CCDC187: variants seen among roughly 807,000 people sequenced by gnomAD.
CCDC187 encodes the protein coiled-coil domain containing 187.
In CCDC187, 32 loss-of-function variants were observed where a neutral mutation model predicts 38.0. The ratio of observed to expected loss-of-function variants is 0.84; its 90% confidence interval spans 0.64 to 1.13. CCDC187 has a LOEUF of 1.13. Ranked by LOEUF, CCDC187 falls within the 50% of genes most tolerant of loss-of-function variation. The pLI is 0.00. For missense variants in CCDC187, 707 were observed against 786.8 expected (o/e 0.90, Z 1.21); for synonymous variants, 333 against 347.9 (o/e 0.96, Z 0.48).
intron 18 of CCDC187, among the ~76,000 whole-genome samples, chr9:136,263,297 T>TGCC (rs1554761225): frequency 6.8e-6 from 1 of 146,486 alleles, no homozygotes; most frequent in African/African-American, 2.5e-5. Flanking sequence ...TGCAGTGGCA[T>TGCC]ATCTCGGCTC....
Position 136,281,564 on chromosome 9 carries a change from G to A in CCDC187, c.3027C>T (p.Thr1009=). ...VGGADSVAPC[T]PRSCGQQEDP... ...GGTCGCCCTTACCGCAGCTCCGGGG[G>A]GTGCAGGGCGCCACAGAATCTGCCC... The change falls in exon 10 of 26, where the codon ACC becomes ACT. Residue 1009 remains threonine, a synonymous_variant. Transcript: ENST00000638797. The A allele has an allele frequency of 2.5e-6, 1 of 398,550 alleles. No individual in the cohort carries two copies. The highest frequency in any genetic ancestry group is 1.3e-4 in the South Asian group (1 of 7,862). The allele number at this position is 398,550 out of a possible 1,614,324, so 24.7% of individuals were successfully genotyped here.
At position 136,250,219 on chromosome 9, in the gene CCDC187, C is replaced by T. The variant is rs1158395170; in HGVS notation, c.*3375G>A. On this transcript the variant is annotated 3_prime_UTR_variant, in exon 26 of 26. Transcript: ENST00000638797. ...TGACGGCTCCGGCCCCCTCCAGGGC[C>T]GCTGTCCTTGGAAGCCCTGGCCCGG... 2 of 164,906 alleles carry T rather than the reference C, an allele frequency of 1.2e-5. No homozygotes were observed. Among genetic ancestry groups the T allele is most frequent in the South Asian group, 1.5e-4 (1 of 6,700 alleles). The allele number at this position is 164,906 out of a possible 1,614,324, so 10.2% of individuals were successfully genotyped here. A position where few individuals can be genotyped will look rare whatever the true frequency, so the allele number is the denominator to read the frequency against.
intron 9 of CCDC187, among the ~76,000 whole-genome samples, chr9:136,284,299 G>A (rs1411661999): frequency 6.6e-6 from 1 of 152,168 alleles, no homozygotes; most frequent in Non-Finnish European, 1.5e-5. Context: ...ACAGCTTGGT[G>A]GAGGTGGGTG....
In CCDC187 at chr9:136,265,956, C is replaced by A; in HGVS notation, c.3735G>T (p.Gln1245His). ...CCCACCAGGCCTGTGCTGGCCCCAC[C>A]TGCTCCTTCTCCAATCTGCTGAGGG... ...QQALSRLEKEQREIQYLRHTQ... is the reference protein window; with the variant it reads ...QQALSRLEKEHREIQYLRHTQ... The change falls in exon 17 of 26, where the codon CAG (glutamine) becomes CAT (histidine). Residue 1245 changes from glutamine to histidine, a missense_variant and splice_region_variant. By Grantham distance (24) the Gln-to-His change is conservative (BLOSUM62 0). Coordinates refer to ENST00000638797, the MANE Select transcript of CCDC187 (RefSeq NM_001378188.1). 1 of 985,560 alleles carries A rather than the reference C, an allele frequency of 1.0e-6. No individual in the cohort carries two copies. The highest frequency in any genetic ancestry group is 4.7e-5 in the South Asian group (1 of 21,288). 61.1% of individuals were successfully genotyped at this position (985,560 alleles called of 1,614,324 possible). A position where few individuals can be genotyped will look rare whatever the true frequency, so the allele number is the denominator to read the frequency against.
intron 16 of CCDC187, chr9:136,266,681 T>C (rs1339199459): frequency 2.6e-5 from 4 of 152,256 alleles, no homozygotes; most frequent in African/African-American, 9.6e-5. Flanking sequence ...AGCGGTTATG[T>C]AGCTACACAG....
intron 10 of CCDC187, among the ~76,000 whole-genome samples, chr9:136,279,319 C>T (rs1042747761): frequency 1.7e-4 from 26 of 152,218 alleles, no homozygotes; most frequent in Non-Finnish European, 3.1e-4. Flanking sequence ...CATTGGACAG[C>T]TCTGGTGGAA....
chr9:136,297,879 C>T (rs964990530), intron 3 of CCDC187, 58 bp from the exon 4 acceptor site: 4 of 395,766 alleles, frequency 1.0e-5, no homozygotes, highest in African/African-American at 4.1e-5. Context: ...AAGTGACACA[C>T]GGGCCCCCCA....
At position 136,286,305 on chromosome 9, in the gene CCDC187, G is replaced by A. The variant is rs1014779347; in HGVS notation, c.2613C>T (p.Ala871=). 23 of 398,492 alleles carry A rather than the reference G, an allele frequency of 5.8e-5. No individual in the cohort carries two copies. Among genetic ancestry groups the A allele is most frequent in the Admixed American group, 4.4e-4 (10 of 22,712 alleles). 24.7% of individuals were successfully genotyped at this position (398,492 alleles called of 1,614,324 possible). The change falls in exon 8 of 26, where the codon GCC becomes GCT. Residue 871 remains alanine (A), a synonymous_variant. Coordinates refer to ENST00000638797, the MANE Select transcript of CCDC187 (RefSeq NM_001378188.1). ...GCGTGGGGGTGGCGAGCGTGGGGGCGGCAGGTAGGCTGTGGGGGCACGAGC... is the reference window on the plus strand; with the variant it reads ...GCGTGGGGGTGGCGAGCGTGGGGGCAGCAGGTAGGCTGTGGGGGCACGAGC... ...LLRSCPHSLP[A]APTLATPTLA...
chr9:136,303,486 G>A (rs1311491853), intron 1 of CCDC187, among the ~76,000 whole-genome samples, 193 bp from the exon 2 acceptor site: 6 of 152,358 alleles, frequency 3.9e-5, no homozygotes, highest in Non-Finnish European at 7.4e-5. Flanking sequence ...CCCCTCTGAG[G>A]TAGGTAATGT....
At position 136,290,021 on chromosome 9, in the gene CCDC187, T is replaced by C. The variant is rs1831278921; in HGVS notation, c.2160A>G (p.Pro720=). 2.5e-6 allele frequency: 1 copy of C among 398,296 alleles called. No individual in the cohort carries two copies. Among genetic ancestry groups the C allele is most frequent in the Non-Finnish European group, 4.4e-6 (1 of 225,980 alleles). 24.7% of individuals were successfully genotyped at this position (398,296 alleles called of 1,614,324 possible). A position where few individuals can be genotyped will look rare whatever the true frequency, so the allele number is the denominator to read the frequency against. Reference sequence around the variant, plus strand: ...AGGTCACTTTGCTCCATTCCAGCACTGGGGACTCCAGGCTCCCGGAGGCTT... The same window carrying C: ...AGGTCACTTTGCTCCATTCCAGCACCGGGGACTCCAGGCTCCCGGAGGCTT... ...GLEASGSLES[P]VLEWSKVTSG... Residue 720 remains proline (P), a synonymous_variant, in exon 7 of 26, where the codon CCA becomes CCG. Coordinates refer to ENST00000638797, the MANE Select transcript of CCDC187 (RefSeq NM_001378188.1).
At position 136,290,638 on chromosome 9, in the gene CCDC187, C is replaced by G; in HGVS notation, c.1975G>C (p.Ala659Pro). Reference sequence around the variant, plus strand: ...AGCTCCCGTGTGCGCAGGGCCGAGGCCTTCTCCTCCAGGGCCTGCCGCCGC... The same window carrying G: ...AGCTCCCGTGTGCGCAGGGCCGAGGGCTTCTCCTCCAGGGCCTGCCGCCGC... ...ARRRQALEEK[A>P]SALRTRELRS... Residue 659 changes from alanine to proline, a missense_variant, in exon 6 of 26, where the codon GCC becomes CCC. Ala to Pro is a conservative substitution (Grantham distance 27). Transcript: ENST00000638797. The G allele has an allele frequency of 2.5e-6, 1 of 398,584 alleles. No individual in the cohort carries two copies. The highest frequency in any genetic ancestry group is 4.4e-5 in the Admixed American group (1 of 22,738). The allele number at this position is 398,584 out of a possible 1,614,324, so 24.7% of individuals were successfully genotyped here.
In CCDC187 at chr9:136,259,433, G is replaced by A. The variant is rs1488834287; in HGVS notation, c.4226C>T (p.Pro1409Leu). 7.1e-6 allele frequency: 7 copies of A among 985,504 alleles called. No individual in the cohort carries two copies. In the South Asian group the frequency reaches 1.4e-4, roughly 20 times the overall value. The allele number at this position is 985,504 out of a possible 1,614,324, so 61.0% of individuals were successfully genotyped here. The change falls in exon 21 of 26, where the codon CCT becomes CTT. Residue 1409 changes from proline to leucine, a missense_variant. By Grantham distance (98) the Pro-to-Leu change is moderately conservative. Coordinates refer to ENST00000638797, the MANE Select transcript of CCDC187 (RefSeq NM_001378188.1). The stretch of plus-strand genomic sequence containing the variant: ...CTGCAGGCCCAGCAGAGGGGCCCGA[G>A]GCTGCTCCCCAGGCTCTGAAAGACA... Reference protein sequence around the residue: ...SHVSQEPGEQPRAPLLGLQHV... With the variant: ...SHVSQEPGEQLRAPLLGLQHV...
At chr9:136,306,392 C>T (rs1831804430), upstream of CCDC187, among the ~76,000 whole-genome samples, 1 of 152,188 alleles carries the variant, frequency 6.6e-6, no homozygotes, top group South Asian at 2.1e-4. Context: ...CTCTGTCACC[C>T]CTCCTGAGCC....
rs1040654744 is a variant in CCDC187, at chr9:136,272,562, G to A, written c.3442+2096C>T. On this transcript the variant is annotated intron_variant, in intron 14 of 25. Transcript: ENST00000638797. ...TACTAAAAATACAAAAATTAGCTGG[G>A]CGTGGTGGTGCACACTTGTAATCCC... Among the ~76,000 whole-genome samples the A allele has an allele frequency of 3.3e-5, 5 of 152,262 alleles. No individual in the cohort carries two copies. In the East Asian group the frequency reaches 9.6e-4, roughly 29 times the overall value.
At chr9:136,292,952 C>T (rs1259458404) in intron 4 of CCDC187, among the ~76,000 whole-genome samples, 2 of 152,348 alleles carry the variant, frequency 1.3e-5, no homozygotes, top group African/African-American at 4.8e-5. Flanking sequence ...CAGTGAGTGG[C>T]GCTCATCCAG....
At chr9:136,292,611 A>C (rs1831361318) in intron 4 of CCDC187, among the ~76,000 whole-genome samples, 1 of 152,188 alleles carries the variant, frequency 6.6e-6, no homozygotes, top group South Asian at 2.1e-4. Flanking sequence ...TCTGCCGGTG[A>C]AGCTCTCAGC....
At chr9:136,276,816 A>G (rs878967897) in intron 10 of CCDC187, 89 bp from the exon 11 acceptor site, 55,459 of 151,990 alleles carry the variant, frequency 0.36, 10,494 homozygotes, top group Middle Eastern at 0.51. Context: ...ATGGCATGAC[A>G]GGTTAATACA....
intron 3 of CCDC187, among the ~76,000 whole-genome samples, chr9:136,298,756 G>C (rs1831598931): frequency 1.3e-5 from 2 of 152,260 alleles, no homozygotes; most frequent in African/African-American, 2.4e-5. Context: ...TAGGCCCATA[G>C]AGACAGGAAG....
chr9:136,266,101 A>C, intron 16 of CCDC187, 58 bp from the exon 17 acceptor site: 1 of 940,526 alleles, frequency 1.1e-6, no homozygotes, highest in Non-Finnish European at 1.3e-6. Context: ...GTGGATATAG[A>C]AAGTCACAGA....
Sources: allele counts gnomAD v4.1 joint callset (sites outside exome capture counted in the v4.1 genomes callset), GRCh38; gene constraint gnomAD v4.1.1; transcripts MANE v1.5; gene names NCBI Gene and HGNC (gene_info 2026-07-23, HGNC 2026-07-21).